Variants in UGT8 observed in about 807,000 individuals in gnomAD.
UGT8 encodes the protein 2-hydroxyacylsphingosine 1-beta-galactosyltransferase.
Under a neutral mutation model 40.5 loss-of-function variants are expected in UGT8, and 12 were observed. The ratio of observed to expected loss-of-function variants is 0.30; its 90% CI spans 0.19 to 0.48. The LOEUF is 0.48. UGT8 is among the 20% of genes least tolerant of loss of function. UGT8 has a pLI of 0.99. For synonymous variants in UGT8, 224 were observed against 240.4 expected, an observed-to-expected ratio of 0.93 and a Z score of 0.63; for missense variants, 513 against 648.7, an observed-to-expected ratio of 0.79 and a Z score of 2.27.
intron 5 of UGT8, among the ~76,000 whole-genome samples, chr4:114,670,473 A>C (rs1473782519): frequency 2.0e-5 from 3 of 150,754 alleles, no homozygotes; most frequent in Admixed American, 6.6e-5. Flanking sequence ...CACTATGATC[A>C]AGTTGGTTTC....
chr4:114,667,952 G>A, intron 4 of UGT8, 133 bp from the exon 5 acceptor site: 3 of 1,436,162 alleles, frequency 2.1e-6, no homozygotes, highest in Non-Finnish European at 1.8e-6. Flanking sequence ...AGGAATCAGT[G>A]AAATTACACC....
At chr4:114,600,436 G>T (rs750352237) in intron 1 of UGT8, among the ~76,000 whole-genome samples, 3 of 152,088 alleles carry the variant, frequency 2.0e-5, no homozygotes, top group Non-Finnish European at 4.4e-5. Flanking sequence ...CAAAATTGGC[G>T]TGCTTCTGAC....
chr4:114,658,915 G>C (rs185311424), intron 2 of UGT8, among the ~76,000 whole-genome samples: 3 of 152,070 alleles, frequency 2.0e-5, no homozygotes, highest in Non-Finnish European at 4.4e-5. Context: ...TGCTCCCCGA[G>C]TCTGACTCTG....
chr4:114,646,336 A>C (rs971261629), intron 2 of UGT8, among the ~76,000 whole-genome samples: 1 of 151,842 alleles, frequency 6.6e-6, no homozygotes, highest in African/African-American at 2.4e-5. Context: ...TATCAGATGA[A>C]CATTATATAT....
chr4:114,636,763 C>T (rs1732912701), intron 2 of UGT8, among the ~76,000 whole-genome samples: 1 of 152,128 alleles, frequency 6.6e-6, no homozygotes, highest in South Asian at 2.1e-4. Context: ...TTTTACCCTA[C>T]ATTGGAACCC....
chr4:114,608,053 T>C (rs148494134), intron 1 of UGT8, among the ~76,000 whole-genome samples: 177 of 152,324 alleles, frequency 1.2e-3, no homozygotes, highest in Admixed American at 1.8e-3. Context: ...TCTAGCTGCT[T>C]TCTGATCAGA....
At chr4:114,671,228 T>C (rs1735253250) in intron 5 of UGT8, among the ~76,000 whole-genome samples, 1 of 152,244 alleles carries the variant, frequency 6.6e-6, no homozygotes, top group Non-Finnish European at 1.5e-5. Context: ...ATGGCTATAC[T>C]GCCCAAAGTA....
rs201223247 is a variant in UGT8, at chr4:114,620,100, TA to T, written c.-2-2774del. On this transcript the variant is annotated intron_variant, in intron 1 of 5. Transcript: ENST00000310836. ...AATTACTGAAATAAAATATTAAAATTAAAAAGGAAGAATTAAACAAAAGCAC... is the reference window on the plus strand; with the variant it reads ...AATTACTGAAATAAAATATTAAAATTAAAAGGAAGAATTAAACAAAAGCAC... 8.9e-3 allele frequency among the ~76,000 whole-genome samples: 1,354 copies of T among 152,252 alleles called. 29 individuals are homozygous for T. The highest frequency in any genetic ancestry group is 0.031 in the African/African-American group (1,297 of 41,570).
intron 2 of UGT8, among the ~76,000 whole-genome samples, chr4:114,628,902 T>G (rs1732410098): frequency 6.6e-6 from 1 of 150,982 alleles, no homozygotes; most frequent in African/African-American, 2.4e-5. Flanking sequence ...GATTAGCCAC[T>G]TGTGAGCAGG....
intron 1 of UGT8, among the ~76,000 whole-genome samples, chr4:114,607,789 G>T (rs1198762051): frequency 6.6e-6 from 1 of 151,888 alleles, no homozygotes; most frequent in African/African-American, 2.4e-5. Context: ...CCTTCATGAA[G>T]ACCTTCTTCC....
chr4:114,656,867 C>A, intron 2 of UGT8: 1 of 492,984 alleles, frequency 2.0e-6, no homozygotes, highest in East Asian at 5.7e-5. Flanking sequence ...TAGGTACGGC[C>A]TCATTAAAAA....
chr4:114,619,607 T>C (rs1296626483), intron 1 of UGT8: 1 of 152,062 alleles, frequency 6.6e-6, no homozygotes, highest in Non-Finnish European at 1.5e-5. Flanking sequence ...GTATCCTAAT[T>C]TTCAGTCAAC....
intron 4 of UGT8, among the ~76,000 whole-genome samples, chr4:114,667,402 A>C (rs887915233): frequency 3.3e-5 from 5 of 152,148 alleles, no homozygotes; most frequent in Admixed American, 1.3e-4. Context: ...CAGGAGAGTA[A>C]ATCTAGGTTT....
At chr4:114,654,847 C>T (rs1326347378) in intron 2 of UGT8, among the ~76,000 whole-genome samples, 3 of 152,150 alleles carry the variant, frequency 2.0e-5, no homozygotes, top group Non-Finnish European at 2.9e-5. Flanking sequence ...ACAGTGTGGA[C>T]GTAGCACCTC....
intron 2 of UGT8, among the ~76,000 whole-genome samples, chr4:114,633,064 T>G (rs550060055): frequency 2.2e-4 from 33 of 152,270 alleles, no homozygotes; most frequent in Admixed American, 1.8e-3. Context: ...CTCTTAGAAC[T>G]TTTTCACATG....
chr4:114,640,569 G>A (rs902949431), intron 2 of UGT8, among the ~76,000 whole-genome samples: 2 of 151,982 alleles, frequency 1.3e-5, no homozygotes, highest in African/African-American at 2.4e-5. Context: ...GTATTAGTTC[G>A]TTTTCACACT....
chr4:114,616,542 G>A (rs1027329135), intron 1 of UGT8, among the ~76,000 whole-genome samples: 21 of 152,134 alleles, frequency 1.4e-4, no homozygotes, highest in Admixed American at 1.3e-3. Flanking sequence ...GACCCCCTGT[G>A]CTTCCCAGGT....
intron 2 of UGT8, among the ~76,000 whole-genome samples, chr4:114,647,121 A>G (rs573637908): frequency 6.6e-6 from 1 of 152,234 alleles, no homozygotes; most frequent in Admixed American, 6.5e-5. Context: ...TGACACCTGT[A>G]GAGATTTTAT....
intron 1 of UGT8, among the ~76,000 whole-genome samples, chr4:114,613,437 A>G (rs763974806): frequency 2.0e-5 from 3 of 152,160 alleles, no homozygotes; most frequent in Non-Finnish European, 4.4e-5. Flanking sequence ...AGGAACTACT[A>G]TATGTGTTTA....
Sources: allele counts gnomAD v4.1 joint callset (sites outside exome capture counted in the v4.1 genomes callset), GRCh38; gene constraint gnomAD v4.1.1; transcripts MANE v1.5; gene names NCBI Gene and HGNC (gene_info 2026-07-23, HGNC 2026-07-21).